Variants in MARVELD1 observed in about 807,000 individuals in gnomAD.
MARVELD1 encodes the protein MARVEL domain-containing protein 1.
MARVELD1 carries 7 observed loss-of-function variants against 11.3 expected under a neutral mutation model. That is an observed-to-expected ratio of 0.62 (90% confidence interval 0.35 to 1.16). The LOEUF is 1.16. Among genes scored for constraint, MARVELD1 ranks in the 50% most tolerant of loss-of-function variants. MARVELD1 has a pLI of 0.02. For missense variants in MARVELD1, 216 were observed against 243.8 expected, an observed-to-expected ratio of 0.89 and a Z score of 0.76; for synonymous variants, 119 against 121.4, an observed-to-expected ratio of 0.98 and a Z score of 0.13.
rs937778072 is a variant in MARVELD1 at position 97,717,200 on chromosome 10, A to C, written c.*1594A>C. On this transcript the variant is annotated 3_prime_UTR_variant, in exon 2 of 2. Coordinates refer to ENST00000285605, the MANE Select transcript of MARVELD1 (RefSeq NM_031484.4). Reference sequence around the variant, plus strand: ...TTTGGTTCTCCTGTTGCAGGTTTCCATGTTGCTGAGGCCATGGAGATTCCC... The same window carrying C: ...TTTGGTTCTCCTGTTGCAGGTTTCCCTGTTGCTGAGGCCATGGAGATTCCC... 2 of 152,178 alleles carry C rather than the reference A, an allele frequency of 1.3e-5. No homozygotes were observed. The highest frequency in any genetic ancestry group is 4.8e-5 in the African/African-American group (2 of 41,432). 9.4% of individuals were successfully genotyped at this position (152,178 alleles called of 1,614,324 possible).
chr10:97,714,524 G>A lies in MARVELD1; in HGVS notation c.*126G>A. On this transcript the variant is annotated 3_prime_UTR_variant, in exon 1 of 2. Transcript: ENST00000285605. This position sits in a 1 kb window ranked among gnomAD's most constrained non-coding sequence, Gnocchi z 7.4. ...TGGCACCCTCTCCCTGCCCTCCAGC[G>A]TTTCCACTGTCGCCCGCGCCCGGGA... 2.9e-6 allele frequency: 2 copies of A among 680,040 alleles called. No homozygotes were observed. Among genetic ancestry groups the A allele is most frequent in the Non-Finnish European group, 4.5e-6 (2 of 442,044 alleles). 42.1% of individuals were successfully genotyped at this position (680,040 alleles called of 1,614,324 possible).
In MARVELD1 at chr10:97,717,466, A is replaced by T. The variant is rs182115982; in HGVS notation, c.*1860A>T. On this transcript the variant is annotated 3_prime_UTR_variant, in exon 2 of 2. Transcript: ENST00000285605. ...TCTCCTTGTGCTATGATTTGGACAC[A>T]AGATTCTGGATACCTGGAACTTAGC... The T allele has an allele frequency of 6.6e-6, 1 of 152,322 alleles. No individual in the cohort carries two copies. 9.4% of individuals were successfully genotyped at this position (152,322 alleles called of 1,614,324 possible). A position where few individuals can be genotyped will look rare whatever the true frequency, so the allele number is the denominator to read the frequency against.
Position 97,714,479 on chromosome 10 carries a change from C to T in MARVELD1, c.*81C>T. On this transcript the variant is annotated 3_prime_UTR_variant, in exon 1 of 2. Transcript: ENST00000285605. This position sits in a 1 kb window ranked among gnomAD's most constrained non-coding sequence, Gnocchi z 7.4. Reference sequence around the variant, plus strand: ...CCTCCTTAATCCCTTCCCCCGCCGCCGCCCCGCGCGGGTGCGCCCTGGCAC... The same window carrying T: ...CCTCCTTAATCCCTTCCCCCGCCGCTGCCCCGCGCGGGTGCGCCCTGGCAC... 1 of 1,125,820 alleles carries T rather than the reference C, an allele frequency of 8.9e-7. No homozygotes were observed. 69.7% of individuals were successfully genotyped at this position (1,125,820 alleles called of 1,614,324 possible). A position where few individuals can be genotyped will look rare whatever the true frequency, so the allele number is the denominator to read the frequency against.
In MARVELD1 at chr10:97,713,825, C is replaced by G. The variant is rs1360726667; in HGVS notation, c.-52C>G. Reference sequence around the variant, plus strand: ...CGTGCTGCCCCCGCGAGCAAGGCGCCGCCATTCCGCTGCTCGGGGCGCCGC... The same window carrying G: ...CGTGCTGCCCCCGCGAGCAAGGCGCGGCCATTCCGCTGCTCGGGGCGCCGC... On this transcript the variant is annotated 5_prime_UTR_variant, in exon 1 of 2. Transcript: ENST00000285605. This position sits in a 1 kb window ranked among gnomAD's most constrained non-coding sequence, Gnocchi z 5.7. 1.0e-5 allele frequency: 3 copies of G among 287,198 alleles called. No individual in the cohort carries two copies. Among genetic ancestry groups the G allele is most frequent in the Non-Finnish European group, 1.6e-5 (3 of 193,310 alleles). The allele number at this position is 287,198 out of a possible 1,614,324, so 17.8% of individuals were successfully genotyped here.
In MARVELD1 at chr10:97,715,538, C is replaced by T. The variant is rs1011673056; in HGVS notation, c.*1140C>T. 1.3e-4 allele frequency: 20 copies of T among 152,216 alleles called. No individual in the cohort carries two copies. Among genetic ancestry groups the T allele is most frequent in the Non-Finnish European group, 8.8e-5 (6 of 68,040 alleles). 9.4% of individuals were successfully genotyped at this position (152,216 alleles called of 1,614,324 possible). On this transcript the variant is annotated 3_prime_UTR_variant, in exon 1 of 2. Coordinates refer to ENST00000285605, the MANE Select transcript of MARVELD1 (RefSeq NM_031484.4). ...TAGCTTATCAAAGACTGAGAAGTCC[C>T]GCTGTTACAGAAATAATTTAGTTTG...
At chr10:97,716,615 G>T (rs567507003) in intron 1 of MARVELD1, among the ~76,000 whole-genome samples, 1 of 152,156 alleles carries the variant, frequency 6.6e-6, no homozygotes, top group Non-Finnish European at 1.5e-5. Flanking sequence ...GGCTGCAAAG[G>T]TGTAGTTTCA....
rs1777529326 is a variant in MARVELD1 at position 97,714,463 on chromosome 10, T to C, written c.*65T>C. 4 of 1,228,184 alleles carry C rather than the reference T, an allele frequency of 3.3e-6. No homozygotes were observed. The highest frequency in any genetic ancestry group is 4.3e-6 in the Non-Finnish European group (4 of 919,776). 76.1% of individuals were successfully genotyped at this position (1,228,184 alleles called of 1,614,324 possible). The stretch of plus-strand genomic sequence containing the variant: ...AATCCCCGGAGACCAGCCTCCTTAA[T>C]CCCTTCCCCCGCCGCCGCCCCGCGC... On this transcript the variant is annotated 3_prime_UTR_variant, in exon 1 of 2. Transcript: ENST00000285605. This position sits in a 1 kb window ranked among gnomAD's most constrained non-coding sequence, Gnocchi z 7.4.
At position 97,714,138 on chromosome 10, in the gene MARVELD1, C is replaced by G. The variant is rs2041893653; in HGVS notation, c.262C>G (p.Pro88Ala). Reference protein sequence around the residue: ...LTLLGKHELVPVLGSRWLMVN... With the variant: ...LTLLGKHELVAVLGSRWLMVN... ...GCTGCTGGGCAAGCACGAGCTGGTC[C>G]CCGTGCTGGGCTCGCGCTGGCTCAT... Residue 88 changes from proline to alanine, a missense_variant, in exon 1 of 2, where the codon CCC becomes GCC. Physicochemically the swap from Pro to Ala is conservative, Grantham distance 27. Coordinates refer to ENST00000285605, the MANE Select transcript of MARVELD1 (RefSeq NM_031484.4). The surrounding 1 kb of genome is among the most constrained non-coding windows in gnomAD (Gnocchi z 7.4). The G allele has an allele frequency of 6.5e-7, 1 of 1,536,916 alleles. No homozygotes were observed. The highest frequency in any genetic ancestry group is 8.7e-7 in the Non-Finnish European group (1 of 1,146,704).
Position 97,714,471 on chromosome 10 carries a change from C to T in MARVELD1, c.*73C>T. 8.6e-7 allele frequency: 1 copy of T among 1,162,286 alleles called. No individual in the cohort carries two copies. Among genetic ancestry groups the T allele is most frequent in the South Asian group, 1.7e-5 (1 of 59,826 alleles). 72.0% of individuals were successfully genotyped at this position (1,162,286 alleles called of 1,614,324 possible). On this transcript the variant is annotated 3_prime_UTR_variant, in exon 1 of 2. Coordinates refer to ENST00000285605, the MANE Select transcript of MARVELD1 (RefSeq NM_031484.4). The surrounding 1 kb of genome is among the most constrained non-coding windows in gnomAD (Gnocchi z 7.4). The stretch of plus-strand genomic sequence containing the variant: ...GAGACCAGCCTCCTTAATCCCTTCC[C>T]CCGCCGCCGCCCCGCGCGGGTGCGC...
Position 97,713,950 on chromosome 10 carries a change from C to T in MARVELD1, c.74C>T (p.Pro25Leu), listed in dbSNP as rs1486372352. 2 of 1,485,262 alleles carry T rather than the reference C, an allele frequency of 1.3e-6. No homozygotes were observed. Among genetic ancestry groups the T allele is most frequent in the East Asian group, 2.8e-5 (1 of 36,290 alleles). 92.0% of individuals were successfully genotyped at this position (1,485,262 alleles called of 1,614,324 possible). Residue 25 changes from proline to leucine, a missense_variant, in exon 1 of 2, where the codon CCC (proline) becomes CTC (leucine). Pro to Leu is a moderately conservative substitution (Grantham distance 98). Transcript: ENST00000285605. This position sits in a 1 kb window ranked among gnomAD's most constrained non-coding sequence, Gnocchi z 5.7. ...AARGAVRLQRPFLRSPLGVLR... is the reference protein window; with the variant it reads ...AARGAVRLQRLFLRSPLGVLR... ...CGCGGCGCGGTGCGCCTGCAGCGGC[C>T]CTTCCTGCGCAGCCCGCTGGGCGTG... is the stretch of plus-strand genomic sequence containing the variant.
chr10:97,714,622 C>T lies in MARVELD1; in HGVS notation c.*224C>T, dbSNP rs2041897835. 1 of 473,016 alleles carries T rather than the reference C, an allele frequency of 2.1e-6. No individual in the cohort carries two copies. Among genetic ancestry groups the T allele is most frequent in the Admixed American group, 4.2e-5 (1 of 23,584 alleles). The allele number at this position is 473,016 out of a possible 1,614,324, so 29.3% of individuals were successfully genotyped here. A position where few individuals can be genotyped will look rare whatever the true frequency, so the allele number is the denominator to read the frequency against. On this transcript the variant is annotated 3_prime_UTR_variant, in exon 1 of 2. Transcript: ENST00000285605. This position sits in a 1 kb window ranked among gnomAD's most constrained non-coding sequence, Gnocchi z 7.4. ...AATCCCAGCCCAGAATCCCGACCGC[C>T]GCGCCGGACGCGCCGTCTCCCGGGA...
Position 97,714,674 on chromosome 10 carries a change from T to A in MARVELD1, c.*276T>A. On this transcript the variant is annotated 3_prime_UTR_variant, in exon 1 of 2. Coordinates refer to ENST00000285605, the MANE Select transcript of MARVELD1 (RefSeq NM_031484.4). The surrounding 1 kb of genome is among the most constrained non-coding windows in gnomAD (Gnocchi z 7.4). ...AAGCGCAGGCTGCGATCCGAGGGGCTGACACACACTCGCAGACGAGCCGCC... is the reference window on the plus strand; with the variant it reads ...AAGCGCAGGCTGCGATCCGAGGGGCAGACACACACTCGCAGACGAGCCGCC... The A allele has an allele frequency of 2.3e-6, 1 of 430,066 alleles. No individual in the cohort carries two copies. Among genetic ancestry groups the A allele is most frequent in the East Asian group, 4.0e-5 (1 of 24,908 alleles). The allele number at this position is 430,066 out of a possible 1,614,324, so 26.6% of individuals were successfully genotyped here.
rs1329465050 is a variant in MARVELD1, at chr10:97,714,989, G to GCTC, written c.*596_*598dup. 6.5e-6 allele frequency: 1 copy of GCTC among 152,712 alleles called. No homozygotes were observed. Among genetic ancestry groups the GCTC allele is most frequent in the African/African-American group, 2.4e-5 (1 of 41,482 alleles). 9.5% of individuals were successfully genotyped at this position (152,712 alleles called of 1,614,324 possible). A position where few individuals can be genotyped will look rare whatever the true frequency, so the allele number is the denominator to read the frequency against. On this transcript the variant is annotated 3_prime_UTR_variant, in exon 1 of 2. Transcript: ENST00000285605. This position sits in a 1 kb window ranked among gnomAD's most constrained non-coding sequence, Gnocchi z 7.4. ...GGGGATTGTGCTGGCATCCTGCGAA[G>GCTC]CTCCTCCCAGCCGGTCTCTCTGTGC...
At position 97,714,154 on chromosome 10, in the gene MARVELD1, G is replaced by C; in HGVS notation, c.278G>C (p.Arg93Pro). The C allele has an allele frequency of 6.5e-7, 1 of 1,536,840 alleles. No individual in the cohort carries two copies. The highest frequency in any genetic ancestry group is 8.7e-7 in the Non-Finnish European group (1 of 1,146,682). The change falls in exon 1 of 2, where the codon CGC (arginine) becomes CCC (proline). Residue 93 changes from arginine to proline, a missense_variant. Transcript: ENST00000285605. The surrounding 1 kb of genome is among the most constrained non-coding windows in gnomAD (Gnocchi z 7.4). ...GAGCTGGTCCCCGTGCTGGGCTCGC[G>C]CTGGCTCATGGTCAACGTGGCGCAC... The part of the protein sequence containing the change: ...KHELVPVLGS[R>P]WLMVNVAHDV...
chr10:97,714,043 G>A lies in MARVELD1; in HGVS notation c.167G>A (p.Gly56Asp). 6.5e-7 allele frequency: 1 copy of A among 1,536,782 alleles called. No homozygotes were observed. The highest frequency in any genetic ancestry group is 8.7e-7 in the Non-Finnish European group (1 of 1,146,676). Residue 56 changes from glycine (G) to aspartate (D), a missense_variant, in exon 1 of 2, where the codon GGC (glycine) becomes GAC (aspartate). Coordinates refer to ENST00000285605, the MANE Select transcript of MARVELD1 (RefSeq NM_031484.4). This position sits in a 1 kb window ranked among gnomAD's most constrained non-coding sequence, Gnocchi z 7.4. ...ACTATCGCCACCAGCAAGTACCAGG[G>A]CCCCGTGCACTTCGCGCTCTTCGTG... ...WITIATSKYQ[G>D]PVHFALFVSV...
chr10:97,714,180 G>C lies in MARVELD1; in HGVS notation c.304G>C (p.Asp102His), dbSNP rs1447151613. The change falls in exon 1 of 2, where the codon GAT (aspartate) becomes CAT (histidine). Residue 102 changes from aspartate to histidine, a missense_variant. Physicochemically the swap from Asp to His is moderately conservative, Grantham distance 81 (BLOSUM62 -1). Coordinates refer to ENST00000285605, the MANE Select transcript of MARVELD1 (RefSeq NM_031484.4). The surrounding 1 kb of genome is among the most constrained non-coding windows in gnomAD (Gnocchi z 7.4). Reference protein sequence around the residue: ...SRWLMVNVAHDVLAAALYGAA... With the variant: ...SRWLMVNVAHHVLAAALYGAA... ...CTGGCTCATGGTCAACGTGGCGCACGATGTGCTGGCGGCCGCGCTCTACGG... is the reference window on the plus strand; with the variant it reads ...CTGGCTCATGGTCAACGTGGCGCACCATGTGCTGGCGGCCGCGCTCTACGG... 3.9e-6 allele frequency: 6 copies of C among 1,536,544 alleles called. No individual in the cohort carries two copies. The highest frequency in any genetic ancestry group is 5.2e-6 in the Non-Finnish European group (6 of 1,146,646).
At chr10:97,717,042 C>T (rs956449894) in intron 1 of MARVELD1, among the ~76,000 whole-genome samples, 152 bp from the exon 2 acceptor site, 3 of 152,194 alleles carry the variant, frequency 2.0e-5, no homozygotes, top group East Asian at 1.9e-4. Flanking sequence ...CACAGCTAGT[C>T]GCAGTGGCTC....
intron 1 of MARVELD1, among the ~76,000 whole-genome samples, chr10:97,716,403 C>T (rs935200002): frequency 6.6e-6 from 1 of 152,068 alleles, no homozygotes; most frequent in Non-Finnish European, 1.5e-5. Flanking sequence ...ATGCTGGTCT[C>T]GAACTCCTGG....
Position 97,714,092 on chromosome 10 carries a change from C to T in MARVELD1, c.216C>T (p.Thr72=), listed in dbSNP as rs1438656029. The T allele has an allele frequency of 1.3e-6, 2 of 1,536,966 alleles. No homozygotes were observed. The highest frequency in any genetic ancestry group is 1.7e-6 in the Non-Finnish European group (2 of 1,146,730). ...TGTCCGTGCTCTTCTGGCTGCTCAC[C>T]CTGGGCCTCTACTTCCTCACGCTGC... ...LFVSVLFWLL[T]LGLYFLTLLG... is the part of the protein sequence containing the mutation. Residue 72 remains threonine (T), a synonymous_variant, in exon 1 of 2, where the codon ACC becomes ACT. Transcript: ENST00000285605. The surrounding 1 kb of genome is among the most constrained non-coding windows in gnomAD (Gnocchi z 7.4).
Sources: gnomAD v4.1 joint callset for allele counts (sites outside exome capture counted in the v4.1 genomes callset) on GRCh38, gnomAD v4.1.1 for gene constraint, Gnocchi (gnomAD v3.1) non-coding constraint, MANE v1.5 for transcripts, NCBI Gene and HGNC (gene_info 2026-07-23, HGNC 2026-07-21) for gene names.